Variants in SATL1 observed in about 807,000 individuals in gnomAD.
The protein encoded by SATL1 is spermidine/spermine N(1)-acetyltransferase-like protein 1.
A neutral mutation model predicts 51.8 loss-of-function variants in SATL1; 47 were observed. The observed-to-expected ratio is 0.91, with a 90% CI of 0.72 to 1.16. The LOEUF is 1.16. Ranked by LOEUF, SATL1 falls within the 50% of genes most tolerant of loss-of-function variation. SATL1 has a pLI of 0.00. For missense variants in SATL1, 520 were observed against 526.4 expected (o/e 0.99, Z 0.12); for synonymous variants, 176 against 182.4 (o/e 0.97, Z 0.28).
At chrX:85,232,100 C>A (rs746414615) in intron 1 of SATL1, among the ~76,000 whole-genome samples, 5 of 108,278 alleles carry the variant, frequency 4.6e-5, no homozygotes, top group African/African-American at 6.7e-5. Context: ...AGCTCACCCA[C>A]CTTAGGAGAG....
At chrX:85,118,542 A>G (rs200025532) in intron 2 of SATL1, 1 of 44,261 alleles carries the variant, frequency 2.3e-5, no homozygotes, top group Non-Finnish European at 9.3e-5. Flanking sequence ...AGAAGATTGG[A>G]AGACATTTAG....
rs546402967 is a variant in SATL1 at position 85,163,002 on chromosome X, CTT to C, written c.-312-53724_-312-53723del. Among the ~76,000 whole-genome samples the C allele has an allele frequency of 4.1e-5, 4 of 96,517 alleles. 1 individual carries two copies. Among genetic ancestry groups the C allele is most frequent in the African/African-American group, 1.1e-4 (3 of 26,930 alleles). 83.8% of individuals were successfully genotyped at this position (96,517 alleles called of 115,157 possible). Reference sequence around the variant, plus strand: ...ATCAGAGGTATCGGTCTGTAGTTTTCTTTTTTTTTTTTTATGTCCTTTCCTGG... The same window carrying C: ...ATCAGAGGTATCGGTCTGTAGTTTTCTTTTTTTTTTTATGTCCTTTCCTGG... On this transcript the variant is annotated intron_variant, in intron 2 of 7. Transcript: ENST00000644105.
Position 85,192,669 on chromosome X carries a change from T to A in SATL1, c.-313+31536A>T, listed in dbSNP as rs965943517. 1.8e-4 allele frequency among the ~76,000 whole-genome samples: 20 copies of A among 111,388 alleles called. No homozygotes were observed. In the Admixed American group the frequency reaches 1.9e-3, roughly 11 times the overall value. ...GTCCACCTGCTTCCACAGCACCTCA[T>A]ATATACTCCCCCCATAGTGCATACT... On this transcript the variant is annotated intron_variant, in intron 2 of 7. Transcript: ENST00000644105.
At chrX:85,114,428 A>G (rs1925335612) in intron 2 of SATL1, among the ~76,000 whole-genome samples, 1 of 111,488 alleles carries the variant, frequency 9.0e-6, no homozygotes. Context: ...GAGTTCTGAA[A>G]GCGTTTTCCT....
chrX:85,139,234 A>C (rs1926046616), intron 2 of SATL1, among the ~76,000 whole-genome samples: 2 of 111,465 alleles, frequency 1.8e-5, no homozygotes, highest in African/African-American at 6.5e-5. Context: ...AATAACAGCT[A>C]ATACTTTTAT....
chrX:85,236,133 C>A (rs1298350344), intron 1 of SATL1, among the ~76,000 whole-genome samples: 1 of 111,292 alleles, frequency 9.0e-6, no homozygotes, highest in Non-Finnish European at 1.9e-5. Context: ...GAAGATTGAA[C>A]CATGAAGAAA....
chrX:85,234,467 AATTG>A (rs1436243988), intron 1 of SATL1, among the ~76,000 whole-genome samples: 1 of 112,180 alleles, frequency 8.9e-6, no homozygotes, highest in African/African-American at 3.2e-5. Flanking sequence ...CTAAAAGATA[AATTG>A]ATCAAAAATA....
At chrX:85,135,691 C>T (rs771797875) in intron 2 of SATL1, among the ~76,000 whole-genome samples, 1 of 107,283 alleles carries the variant, frequency 9.3e-6, no homozygotes, top group African/African-American at 3.4e-5. Flanking sequence ...CCCCCCTCAA[C>T]CCCCGCACCT....
intron 4 of SATL1, among the ~76,000 whole-genome samples, chrX:85,097,693 A>G (rs1435303553): frequency 8.9e-6 from 1 of 112,284 alleles, no homozygotes; most frequent in Non-Finnish European, 1.9e-5. Context: ...CCTGACATCA[A>G]TAACAGAAGA....
intron 2 of SATL1, among the ~76,000 whole-genome samples, chrX:85,147,913 G>A (rs1203126608): frequency 2.7e-5 from 3 of 111,850 alleles, no homozygotes; most frequent in Non-Finnish European, 5.6e-5. Flanking sequence ...AAAAAGCAGA[G>A]CACCTCTCCT....
At chrX:85,125,053 G>A (rs1220930179) in intron 2 of SATL1, among the ~76,000 whole-genome samples, 1 of 110,414 alleles carries the variant, frequency 9.1e-6, no homozygotes, top group South Asian at 3.9e-4. Context: ...GGAGAGACAG[G>A]AATAAGACCC....
intron 1 of SATL1, among the ~76,000 whole-genome samples, chrX:85,230,814 A>G (rs1388834176): frequency 8.9e-6 from 1 of 112,431 alleles, no homozygotes; most frequent in Non-Finnish European, 1.9e-5. Context: ...GCCAATAAAT[A>G]TATGAAATGA....
intron 2 of SATL1, among the ~76,000 whole-genome samples, chrX:85,167,140 A>G (rs1284678797): frequency 9.2e-6 from 1 of 108,876 alleles, no homozygotes; most frequent in East Asian, 2.9e-4. Context: ...GAAGTAACTC[A>G]AGAATAGAAA....
At chrX:85,141,676 G>C (rs938507054) in intron 2 of SATL1, among the ~76,000 whole-genome samples, 23 of 110,946 alleles carry the variant, frequency 2.1e-4, no homozygotes, top group Non-Finnish European at 3.8e-4. Context: ...TGTTTAAGTA[G>C]AGTGCTTCAG....
intron 2 of SATL1, among the ~76,000 whole-genome samples, chrX:85,187,116 T>C (rs748942166): frequency 2.5e-3 from 284 of 112,238 alleles, no homozygotes; most frequent in African/African-American, 8.7e-3. Flanking sequence ...TGGGACTGAA[T>C]TGATTTCTTT....
intron 2 of SATL1, among the ~76,000 whole-genome samples, chrX:85,172,309 G>A (rs910983891): frequency 9.0e-6 from 1 of 111,312 alleles, no homozygotes; most frequent in African/African-American, 3.3e-5. Flanking sequence ...TCTACTACAT[G>A]TTAGACACTC....
At chrX:85,149,071 A>T (rs1438548972) in intron 2 of SATL1, among the ~76,000 whole-genome samples, 2 of 111,592 alleles carry the variant, frequency 1.8e-5, no homozygotes, top group Non-Finnish European at 3.8e-5. Context: ...CAGGAAACCC[A>T]TCTCACGTGC....
At chrX:85,216,174 A>C (rs1008136510) in intron 2 of SATL1, among the ~76,000 whole-genome samples, 1 of 110,857 alleles carries the variant, frequency 9.0e-6, no homozygotes, top group Admixed American at 9.6e-5. Flanking sequence ...TCTTTTTAAC[A>C]GCCAGCCCTC....
intron 2 of SATL1, among the ~76,000 whole-genome samples, chrX:85,179,308 G>GT (rs1927150471): frequency 9.0e-6 from 1 of 111,043 alleles, no homozygotes; most frequent in African/African-American, 3.3e-5. Context: ...ATTTTTCTCA[G>GT]TAAAAACCAA....
Sources: gnomAD v4.1 joint callset for allele counts (sites outside exome capture counted in the v4.1 genomes callset) on GRCh38, gnomAD v4.1.1 for gene constraint, MANE v1.5 for transcripts, NCBI Gene and HGNC (gene_info 2026-07-23, HGNC 2026-07-21) for gene names.